The following RABGAP1L variants were observed in gnomAD, a reference collection of about 807,000 sequenced individuals.
RABGAP1L encodes RAB GTPase activating protein 1 like.
Under a neutral mutation model 137.7 loss-of-function variants are expected in RABGAP1L, and 63 were observed. The observed-to-expected ratio is 0.46, with a 90% CI of 0.37 to 0.56. The LOEUF (loss-of-function observed/expected upper bound fraction) is 0.56, where lower values mean the gene tolerates loss of function less well. Ranked by LOEUF, RABGAP1L falls within the 20% of genes least tolerant of loss-of-function variation. RABGAP1L has a pLI of 0.00. For synonymous variants in RABGAP1L, 431 were observed against 433.7 expected (o/e 0.99, Z 0.08); for missense variants, 1,095 against 1,244.0 (o/e 0.88, Z 1.80).
At chr1:174,314,692 C>T (rs1482733349) in intron 11 of RABGAP1L, among the ~76,000 whole-genome samples, 2 of 151,958 alleles carry the variant, frequency 1.3e-5, no homozygotes, top group Non-Finnish European at 2.9e-5. Context: ...GTTGTGTTTC[C>T]TTAATCATTT....
At chr1:174,532,931 A>G (rs1158351822) in intron 13 of RABGAP1L, among the ~76,000 whole-genome samples, 1 of 152,192 alleles carries the variant, frequency 6.6e-6, no homozygotes, top group Admixed American at 6.5e-5. Context: ...ATCCACAACT[A>G]AGCTTGAGAA....
intron 13 of RABGAP1L, among the ~76,000 whole-genome samples, chr1:174,618,278 C>T (rs538811341): frequency 8.5e-5 from 13 of 152,158 alleles, no homozygotes; most frequent in Admixed American, 3.3e-4. Context: ...CCTGTCTGAC[C>T]GCTTTGAAGA....
At chr1:174,640,966 A>AATTATATTAATTAAATATAATTTTAG in intron 14 of RABGAP1L, among the ~76,000 whole-genome samples, 2 of 111,902 alleles carry the variant, frequency 1.8e-5, no homozygotes, top group Admixed American at 1.7e-4. Flanking sequence ...TATTATATTT[A>AATTATATTAATTAAATATAATTTTAG]ATTATATTAA....
At chr1:174,478,835 A>G (rs982392558) in intron 13 of RABGAP1L, among the ~76,000 whole-genome samples, 9 of 152,132 alleles carry the variant, frequency 5.9e-5, no homozygotes, top group Admixed American at 5.2e-4. Context: ...TCCATCTTCC[A>G]TCATTATCAT....
chr1:174,703,591 T>C (rs1031387814), intron 17 of RABGAP1L, among the ~76,000 whole-genome samples: 5 of 152,210 alleles, frequency 3.3e-5, no homozygotes, highest in Non-Finnish European at 5.9e-5. Context: ...TTCTTTTCCT[T>C]TGGATAGGTA....
chr1:174,694,686 A>G (rs1679120145), intron 15 of RABGAP1L, among the ~76,000 whole-genome samples: 1 of 151,968 alleles, frequency 6.6e-6, no homozygotes, highest in Non-Finnish European at 1.5e-5. Flanking sequence ...TTATAGCAGC[A>G]TGATTTATAG....
intron 18 of RABGAP1L, among the ~76,000 whole-genome samples, chr1:174,793,261 T>C (rs967973161): frequency 3.9e-5 from 6 of 152,316 alleles, no homozygotes; most frequent in Admixed American, 3.3e-4. Flanking sequence ...GGATTGGCAA[T>C]AGGTATTAGT....
intron 10 of RABGAP1L, among the ~76,000 whole-genome samples, chr1:174,286,447 C>T (rs1245932399): frequency 1.3e-5 from 2 of 151,522 alleles, no homozygotes; most frequent in Non-Finnish European, 1.5e-5. Flanking sequence ...TTATTTGAGT[C>T]CTCTCTCTTT....
At chr1:174,530,536 A>G (rs760775016) in intron 13 of RABGAP1L, among the ~76,000 whole-genome samples, 13 of 152,266 alleles carry the variant, frequency 8.5e-5, no homozygotes, top group African/African-American at 1.7e-4. Context: ...TCAGGAGTCC[A>G]TGGTGGGAAT....
At chr1:174,988,110 G>C (rs2149398519) in intron 24 of RABGAP1L, among the ~76,000 whole-genome samples, 1 of 152,282 alleles carries the variant, frequency 6.6e-6, no homozygotes, top group South Asian at 2.1e-4. Flanking sequence ...GGCCCGGCCG[G>C]AGTTACTTTT....
chr1:174,598,401 G>C (rs1403557204), intron 13 of RABGAP1L, among the ~76,000 whole-genome samples: 1 of 151,296 alleles, frequency 6.6e-6, no homozygotes, highest in Non-Finnish European at 1.5e-5. Flanking sequence ...TTCTGCAGCT[G>C]CTGGATGAAA....
chr1:174,814,916 G>A (rs1007005270), intron 19 of RABGAP1L, among the ~76,000 whole-genome samples: 2 of 152,092 alleles, frequency 1.3e-5, no homozygotes, highest in South Asian at 2.1e-4. Flanking sequence ...TCGAACTCCT[G>A]ACCCCAAGTA....
chr1:174,919,019 CTTTTT>C (rs778211199), intron 19 of RABGAP1L, among the ~76,000 whole-genome samples: 1 of 134,742 alleles, frequency 7.4e-6, no homozygotes. Context: ...TGTCTTTTTT[CTTTTT>C]TTTTTTTTTT....
chr1:174,959,811 A>G (rs567305515), intron 20 of RABGAP1L, among the ~76,000 whole-genome samples: 3 of 152,330 alleles, frequency 2.0e-5, no homozygotes, highest in East Asian at 1.9e-4. Flanking sequence ...AGTCAACAAC[A>G]TAAGTTTCTA....
At chr1:174,588,909 A>G (rs1669336810) in intron 13 of RABGAP1L, among the ~76,000 whole-genome samples, 1 of 152,196 alleles carries the variant, frequency 6.6e-6, no homozygotes, top group Non-Finnish European at 1.5e-5. Flanking sequence ...CACAGTAAAC[A>G]TAGGAGTGCA....
intron 12 of RABGAP1L, among the ~76,000 whole-genome samples, chr1:174,389,360 C>T (rs1231042891): frequency 6.6e-6 from 1 of 151,666 alleles, no homozygotes; most frequent in African/African-American, 2.4e-5. Flanking sequence ...CACCTACTTC[C>T]ACCTCCTATC....
At chr1:174,863,815 A>G (rs1196814019) in intron 19 of RABGAP1L, among the ~76,000 whole-genome samples, 1 of 151,898 alleles carries the variant, frequency 6.6e-6, no homozygotes, top group Non-Finnish European at 1.5e-5. Flanking sequence ...CCCTGTTGCT[A>G]CTAAGAATAC....
At chr1:174,731,050 C>T (rs763331966) in intron 17 of RABGAP1L, among the ~76,000 whole-genome samples, 5 of 152,196 alleles carry the variant, frequency 3.3e-5, no homozygotes, top group Non-Finnish European at 5.9e-5. Flanking sequence ...TCTCTGCTCA[C>T]TGCAACCTCT....
intron 1 of RABGAP1L, among the ~76,000 whole-genome samples, chr1:174,197,168 G>A (rs978401883): frequency 1.3e-5 from 2 of 152,170 alleles, no homozygotes; most frequent in Non-Finnish European, 2.9e-5. Flanking sequence ...CTCTTTCTCA[G>A]CAACTTTATG....
Sources: allele counts gnomAD v4.1 joint callset (sites outside exome capture counted in the v4.1 genomes callset), GRCh38; gene constraint gnomAD v4.1.1; transcripts MANE v1.5; gene names NCBI Gene and HGNC (gene_info 2026-07-23, HGNC 2026-07-21).